SKOR2: variants seen among roughly 807,000 people sequenced by gnomAD.
The protein encoded by SKOR2 is SKI family transcriptional corepressor 2, also known as LBX1 corepressor 1-like protein.
In SKOR2, 47 loss-of-function variants were observed where a neutral mutation model predicts 69.1. That is an observed-to-expected ratio of 0.68 (90% CI 0.54 to 0.87). The LOEUF is 0.87. Among genes scored for constraint, SKOR2 ranks in the 40% least tolerant of loss-of-function variants. The pLI is 0.00. For synonymous variants in SKOR2, 717 were observed against 672.6 expected (o/e 1.07, Z -1.02); for missense variants, 1,404 against 1,472.2 (o/e 0.95, Z 0.76).
At chr18:47,245,672 G>T in intron 2 of SKOR2, 111 bp from the exon 3 acceptor site, 2 of 939,438 alleles carry the variant, frequency 2.1e-6, no homozygotes, top group Non-Finnish European at 1.5e-6. Flanking sequence ...GGAGCCTCAG[G>T]AGACATCATT....
At chr18:47,213,145 G>T (rs1466017908) in intron 7 of SKOR2, among the ~76,000 whole-genome samples, 3 of 151,892 alleles carry the variant, frequency 2.0e-5, no homozygotes, top group Non-Finnish European at 2.9e-5. Flanking sequence ...TGGACTCAAG[G>T]TATTATTTAG....
At chr18:47,240,668 G>C (rs745781235) in intron 4 of SKOR2, among the ~76,000 whole-genome samples, 4 of 152,142 alleles carry the variant, frequency 2.6e-5, no homozygotes, top group Non-Finnish European at 4.4e-5. Context: ...TGATAAGGCT[G>C]ACAGATTAAA....
Position 47,206,176 on chromosome 18 carries a change from A to G in SKOR2, c.*720T>C, listed in dbSNP as rs1400357347. On this transcript the variant is annotated 3_prime_UTR_variant, in exon 9 of 9. Transcript: ENST00000425639. ...ACTACATGAACACAACCATTACTTC[A>G]TAGTTTTTTTATTATAGACTTTTTT... is the stretch of plus-strand genomic sequence containing the variant. 6.6e-6 allele frequency: 1 copy of G among 152,186 alleles called. No individual in the cohort carries two copies. The highest frequency in any genetic ancestry group is 2.4e-5 in the African/African-American group (1 of 41,444). 9.4% of individuals were successfully genotyped at this position (152,186 alleles called of 1,614,324 possible).
At chr18:47,215,837 T>C (rs2064142297) in intron 7 of SKOR2, among the ~76,000 whole-genome samples, 1 of 152,194 alleles carries the variant, frequency 6.6e-6, no homozygotes, top group South Asian at 2.1e-4. Context: ...ATTTATCATG[T>C]GCTCTGTGTT....
chr18:47,208,081 A>G (rs1215674699), intron 8 of SKOR2, among the ~76,000 whole-genome samples: 1 of 152,172 alleles, frequency 6.6e-6, no homozygotes, highest in Non-Finnish European at 1.5e-5. Flanking sequence ...GGCCATCCAC[A>G]TTTTATAGAT....
chr18:47,241,342 G>A lies in SKOR2; in HGVS notation c.2752+3566C>T, dbSNP rs558224531. Among the ~76,000 whole-genome samples, 7 of 152,286 alleles carry A rather than the reference G, an allele frequency of 4.6e-5. No homozygotes were observed. The South Asian group carries it at 1.5e-3, about 32-fold the overall frequency. On this transcript the variant is annotated intron_variant, in intron 4 of 8. Coordinates refer to ENST00000425639, the MANE Select transcript of SKOR2 (RefSeq NM_001278063.4). Reference sequence around the variant, plus strand: ...ACCACTCCAAAGCAGCTAATCACAAGCGCTCATAATCTCTTTGGCTCATCT... The same window carrying A: ...ACCACTCCAAAGCAGCTAATCACAAACGCTCATAATCTCTTTGGCTCATCT...
intron 6 of SKOR2, among the ~76,000 whole-genome samples, chr18:47,224,215 T>C (rs1035247419): frequency 6.6e-6 from 1 of 152,302 alleles, no homozygotes; most frequent in Non-Finnish European, 1.5e-5. Flanking sequence ...CCATATTTTT[T>C]CTATGTTCTA....
chr18:47,208,482 T>C (rs569767276), intron 8 of SKOR2, among the ~76,000 whole-genome samples: 1 of 152,338 alleles, frequency 6.6e-6, no homozygotes, highest in East Asian at 1.9e-4. Flanking sequence ...TTATGTAAAA[T>C]GGTTTACTTC....
chr18:47,247,174 CG>C lies in SKOR2; in HGVS notation c.2009del (p.Pro670ArgfsTer112). 2.0e-5 allele frequency: 7 copies of C among 345,042 alleles called. No homozygotes were observed. In the South Asian group the frequency reaches 2.1e-4, roughly 10 times the overall value. The allele number at this position is 345,042 out of a possible 1,614,324, so 21.4% of individuals were successfully genotyped here. ...PHHHHHHHHP[P>X]QPPSPLLLLP... is the part of the protein sequence containing the mutation. ...GCAGCAGAAGCGGCGACGGCGGCTG[CG>C]GGGGGTGGTGGTGGTGGTGGTGGTG... On this transcript the variant is annotated frameshift_variant, in exon 2 of 9. Coordinates refer to ENST00000425639, the MANE Select transcript of SKOR2 (RefSeq NM_001278063.4). LOFTEE classifies it high-confidence loss of function. This position sits in a 1 kb window ranked among gnomAD's most constrained non-coding sequence, Gnocchi z 6.6.
intron 4 of SKOR2, among the ~76,000 whole-genome samples, chr18:47,236,276 T>C (rs1391564685): frequency 6.6e-6 from 1 of 152,180 alleles, no homozygotes; most frequent in Non-Finnish European, 1.5e-5. Flanking sequence ...TACGCCTGAG[T>C]CACTGCACCT....
intron 4 of SKOR2, among the ~76,000 whole-genome samples, chr18:47,233,442 A>G (rs2064207702): frequency 6.6e-6 from 1 of 152,222 alleles, no homozygotes; most frequent in Non-Finnish European, 1.5e-5. Flanking sequence ...GAAAAATAGT[A>G]TTTTGAGATG....
chr18:47,234,875 A>AAAAAAAAAAG (rs61505723), intron 4 of SKOR2, among the ~76,000 whole-genome samples: 1 of 147,056 alleles, frequency 6.8e-6, no homozygotes. Context: ...AAAAAAAAAA[A>AAAAAAAAAAG]GAGAGGGGGT....
At chr18:47,220,766 C>T (rs1307586691) in intron 6 of SKOR2, among the ~76,000 whole-genome samples, 2 of 152,178 alleles carry the variant, frequency 1.3e-5, no homozygotes, top group African/African-American at 2.4e-5. Context: ...AAAGTGTGGA[C>T]GTGGCTAACT....
chr18:47,206,810 A>G lies in SKOR2; in HGVS notation c.*86T>C, dbSNP rs2064114612. ...TGTATTTAATTCCCAAGCCCTTTCGATCTGCAGTCTTTAACACGGGTCAGA... is the reference window on the plus strand; with the variant it reads ...TGTATTTAATTCCCAAGCCCTTTCGGTCTGCAGTCTTTAACACGGGTCAGA... On this transcript the variant is annotated 3_prime_UTR_variant, in exon 9 of 9. Transcript: ENST00000425639. The G allele has an allele frequency of 6.6e-6, 1 of 152,120 alleles. No homozygotes were observed. The highest frequency in any genetic ancestry group is 1.5e-5 in the Non-Finnish European group (1 of 68,056). The allele number at this position is 152,120 out of a possible 1,614,324, so 9.4% of individuals were successfully genotyped here.
chr18:47,235,406 T>C (rs1029592974), intron 4 of SKOR2, among the ~76,000 whole-genome samples: 1 of 152,096 alleles, frequency 6.6e-6, no homozygotes, highest in African/African-American at 2.4e-5. Context: ...CTTAGGAAGG[T>C]GTCCACACCA....
intron 8 of SKOR2, among the ~76,000 whole-genome samples, chr18:47,209,163 G>A (rs1290886091): frequency 1.3e-5 from 2 of 151,202 alleles, no homozygotes; most frequent in Admixed American, 6.6e-5. Flanking sequence ...AAAAAAAAAT[G>A]TGCAGATCAG....
Position 47,210,517 on chromosome 18 carries a change from A to G in SKOR2, c.*3+1569T>C, listed in dbSNP as rs559365133. Among the ~76,000 whole-genome samples, 3 of 152,320 alleles carry G rather than the reference A, an allele frequency of 2.0e-5. No individual in the cohort carries two copies. The East Asian group carries it at 5.8e-4, about 29-fold the overall frequency. On this transcript the variant is annotated intron_variant, in intron 8 of 8. Transcript: ENST00000425639. ...AGTTTGACATTTTCAACCATTATAC[A>G]TATGGAGTTTATCAGAATTAATTTG...
intron 6 of SKOR2, among the ~76,000 whole-genome samples, chr18:47,224,642 T>C (rs2064172651): frequency 1.3e-5 from 2 of 150,906 alleles, no homozygotes; most frequent in African/African-American, 4.9e-5. Flanking sequence ...TGAGACAGGG[T>C]CTTGCTCTGT....
At chr18:47,223,838 T>C (rs1380134838) in intron 6 of SKOR2, among the ~76,000 whole-genome samples, 2 of 152,110 alleles carry the variant, frequency 1.3e-5, no homozygotes, top group East Asian at 3.8e-4. Flanking sequence ...AGGATGTGTA[T>C]AGCTTTTGAG....
Sources: gnomAD v4.1 joint callset for allele counts (sites outside exome capture counted in the v4.1 genomes callset) on GRCh38, gnomAD v4.1.1 for gene constraint, Gnocchi (gnomAD v3.1) non-coding constraint, MANE v1.5 for transcripts, NCBI Gene and HGNC (gene_info 2026-07-23, HGNC 2026-07-21) for gene names.